The following ADGRB3 variants were observed in gnomAD, a reference collection of about 807,000 sequenced individuals.
The protein encoded by ADGRB3 is adhesion G protein-coupled receptor B3, also known as brain-specific angiogenesis inhibitor 3.
In ADGRB3, 37 loss-of-function variants were observed where a neutral mutation model predicts 193.4. The ratio of observed to expected loss-of-function variants is 0.19; its 90% confidence interval spans 0.15 to 0.25. The LOEUF is 0.25. ADGRB3 is among the 10% of genes least tolerant of loss of function. ADGRB3 has a pLI of 1.00. For missense variants in ADGRB3, 1,637 were observed against 1,852.9 expected, an observed-to-expected ratio of 0.88 and a Z score of 2.14; for synonymous variants, 690 against 644.2, an observed-to-expected ratio of 1.07 and a Z score of -1.08.
At chr6:68,737,993 G>A (rs1334513161) in intron 3 of ADGRB3, among the ~76,000 whole-genome samples, 3 of 152,094 alleles carry the variant, frequency 2.0e-5, no homozygotes, top group African/African-American at 7.2e-5. Flanking sequence ...AAAGGAGAAA[G>A]GGAAAGGTGT....
chr6:69,153,531 C>G, intron 17 of ADGRB3, among the ~76,000 whole-genome samples: 1 of 152,196 alleles, frequency 6.6e-6, no homozygotes, highest in South Asian at 2.1e-4. Context: ...ATGGGTAGTT[C>G]TTTTTCAACA....
chr6:68,714,462 C>T lies in ADGRB3; in HGVS notation c.757+75030C>T, dbSNP rs529461133. Among the ~76,000 whole-genome samples, 7 of 151,486 alleles carry T rather than the reference C, an allele frequency of 4.6e-5. No homozygotes were observed. The South Asian group carries it at 6.2e-4, about 13-fold the overall frequency. On this transcript the variant is annotated intron_variant, in intron 3 of 31. Coordinates refer to ENST00000370598, the MANE Select transcript of ADGRB3 (RefSeq NM_001704.3). ...TCATCTATTTATTTTGCCTAATAGC[C>T]GATCTGGAAAATAATGATGAAAAAT...
At chr6:68,723,799 C>T (rs1056816909) in intron 3 of ADGRB3, among the ~76,000 whole-genome samples, 13 of 151,640 alleles carry the variant, frequency 8.6e-5, no homozygotes, top group African/African-American at 2.2e-4. Context: ...TCAAGTTGGT[C>T]GCCACTACAA....
intron 3 of ADGRB3, among the ~76,000 whole-genome samples, chr6:68,692,791 A>G (rs947822876): frequency 6.6e-6 from 1 of 151,226 alleles, no homozygotes; most frequent in African/African-American, 2.4e-5. Context: ...AATATCTTTT[A>G]TTTGGTTTTA....
chr6:69,020,390 T>A (rs1770228157), intron 13 of ADGRB3, among the ~76,000 whole-genome samples: 2 of 152,042 alleles, frequency 1.3e-5, no homozygotes, highest in South Asian at 4.1e-4. Flanking sequence ...GCTGTAAAAA[T>A]TTCATAAATG....
At chr6:68,663,858 A>T (rs1474058996) in intron 3 of ADGRB3, among the ~76,000 whole-genome samples, 4 of 151,844 alleles carry the variant, frequency 2.6e-5, no homozygotes. Flanking sequence ...CAAGTATTTT[A>T]GCGTGCTACA....
chr6:69,295,228 C>A (rs945926819), intron 20 of ADGRB3, among the ~76,000 whole-genome samples: 7 of 152,140 alleles, frequency 4.6e-5, no homozygotes, highest in African/African-American at 1.7e-4. Flanking sequence ...GAGAAACAAA[C>A]AATGGAGCTT....
chr6:68,698,216 T>C (rs1341565927), intron 3 of ADGRB3, among the ~76,000 whole-genome samples: 1 of 151,948 alleles, frequency 6.6e-6, no homozygotes, highest in African/African-American at 2.4e-5. Context: ...TGTCTTGCAA[T>C]TTAGAACACT....
At chr6:68,809,043 A>T (rs9294810) in intron 3 of ADGRB3, among the ~76,000 whole-genome samples, 1 of 151,848 alleles carries the variant, frequency 6.6e-6, no homozygotes, top group African/African-American at 2.4e-5. Context: ...AACATTCCAA[A>T]CCCTGGCCTG....
chr6:69,321,768 A>G (rs551726627), intron 20 of ADGRB3, among the ~76,000 whole-genome samples: 2 of 152,004 alleles, frequency 1.3e-5, no homozygotes, highest in Non-Finnish European at 2.9e-5. Flanking sequence ...ATTGCTATTC[A>G]TAAAAGTTAT....
At chr6:68,755,722 T>C (rs1766287611) in intron 3 of ADGRB3, among the ~76,000 whole-genome samples, 1 of 152,138 alleles carries the variant, frequency 6.6e-6, no homozygotes, top group African/African-American at 2.4e-5. Flanking sequence ...AAAGTATTTA[T>C]GACAGAAGAT....
intron 3 of ADGRB3, among the ~76,000 whole-genome samples, chr6:68,677,692 A>G (rs1360024346): frequency 6.6e-6 from 1 of 151,488 alleles, no homozygotes; most frequent in Non-Finnish European, 1.5e-5. Flanking sequence ...GAATTTTTGT[A>G]GTTTTTGGCA....
intron 4 of ADGRB3, among the ~76,000 whole-genome samples, chr6:68,934,859 AT>A (rs1767440776): frequency 6.6e-6 from 1 of 152,198 alleles, no homozygotes; most frequent in African/African-American, 2.4e-5. Context: ...ATCCAAGGAC[AT>A]TTTTATGAAA....
chr6:69,254,028 A>G (rs1766690057), intron 20 of ADGRB3, among the ~76,000 whole-genome samples: 1 of 152,166 alleles, frequency 6.6e-6, no homozygotes, highest in South Asian at 2.1e-4. Flanking sequence ...CACTTTTTAC[A>G]TGGAAGCAAA....
chr6:69,100,397 C>A (rs1772999157), intron 17 of ADGRB3, among the ~76,000 whole-genome samples: 1 of 151,948 alleles, frequency 6.6e-6, no homozygotes, highest in Admixed American at 6.6e-5. Context: ...AAAATGTTCA[C>A]TAGGAAAATA....
intron 8 of ADGRB3, among the ~76,000 whole-genome samples, chr6:68,965,885 A>G (rs903008627): frequency 1.3e-5 from 2 of 152,196 alleles, no homozygotes; most frequent in African/African-American, 4.8e-5. Flanking sequence ...TCTAATTTAC[A>G]AAACACACAC....
chr6:68,974,794 G>A lies in ADGRB3; in HGVS notation c.1557G>A (p.Leu519=), dbSNP rs777819710. 2 of 1,614,002 alleles carry A rather than the reference G, an allele frequency of 1.2e-6. No homozygotes were observed. Among genetic ancestry groups the A allele is most frequent in the South Asian group, 1.1e-5 (1 of 91,068 alleles). The part of the protein sequence containing the change: ...APYEICPEDY[L]MSMVWKRTPA... ...ATGAAATATGCCCTGAGGATTATCTGATGTCGATGGTGTGGAAAAGAACTC... is the reference window on the plus strand; with the variant it reads ...ATGAAATATGCCCTGAGGATTATCTAATGTCGATGGTGTGGAAAAGAACTC... The change falls in exon 9 of 32, where the codon CTG becomes CTA. Residue 519 remains leucine, a synonymous_variant. Coordinates refer to ENST00000370598, the MANE Select transcript of ADGRB3 (RefSeq NM_001704.3).
intron 17 of ADGRB3, among the ~76,000 whole-genome samples, chr6:69,135,319 A>G (rs1774120757): frequency 6.6e-6 from 1 of 151,374 alleles, no homozygotes; most frequent in South Asian, 2.1e-4. Flanking sequence ...ATTTTGATGC[A>G]TTACAGCAAG....
intron 6 of ADGRB3, among the ~76,000 whole-genome samples, chr6:68,947,523 A>G (rs1767805145): frequency 1.3e-5 from 2 of 152,158 alleles, no homozygotes; most frequent in South Asian, 4.1e-4. Flanking sequence ...CCAAATTTCT[A>G]ATATCCCAAA....
Sources: allele counts gnomAD v4.1 joint callset (sites outside exome capture counted in the v4.1 genomes callset), GRCh38; gene constraint gnomAD v4.1.1; transcripts MANE v1.5; gene names NCBI Gene and HGNC (gene_info 2026-07-23, HGNC 2026-07-21).